NLRP11: variants seen among roughly 807,000 people sequenced by gnomAD.
NLRP11 encodes the protein NLR family pyrin domain containing 11, also known as NACHT, LRR and PYD domains-containing protein 11.
A neutral mutation model predicts 79.3 loss-of-function variants in NLRP11; 53 were observed. The observed-to-expected ratio is 0.67, with a 90% confidence interval of 0.54 to 0.84. The LOEUF (loss-of-function observed/expected upper bound fraction) is 0.84. Among genes scored for constraint, NLRP11 ranks in the 40% least tolerant of loss-of-function variants. The probability of loss-of-function intolerance (pLI) is 0.00; values close to 1 mark genes in which losing one functional copy is unlikely to be tolerated. For missense variants in NLRP11, 1,264 were observed against 1,255.0 expected (o/e 1.01, Z -0.11); for synonymous variants, 518 against 462.6 (o/e 1.12, Z -1.54).
rs752852279 is a variant in NLRP11 at position 55,809,043 on chromosome 19, A to G, written c.1567T>C (p.Trp523Arg). Residue 523 changes from tryptophan (W) to arginine (R), a missense_variant, in exon 3 of 10, where the codon TGG becomes CGG. Transcript: ENST00000589093. This position sits in a 1 kb window ranked among gnomAD's most constrained non-coding sequence, Gnocchi z 4.5. ...TGTTTCATGTATCCCACCGAGTACC[A>G]CTTGAAGCTGTCTACCATCGGTAGC... 18 of 1,614,086 alleles carry G rather than the reference A, an allele frequency of 1.1e-5. No individual in the cohort carries two copies. The highest frequency in any genetic ancestry group is 1.5e-5 in the Non-Finnish European group (18 of 1,180,024).
Position 55,818,506 on chromosome 19 carries a change from G to A in NLRP11, c.-62-270C>T, listed in dbSNP as rs1600198103. 7.2e-5 allele frequency among the ~76,000 whole-genome samples: 11 copies of A among 152,336 alleles called. No individual in the cohort carries two copies. The South Asian group carries it at 2.3e-3, about 32-fold the overall frequency. On this transcript the variant is annotated intron_variant, in intron 1 of 9. Coordinates refer to ENST00000589093, the Ensembl canonical transcript of NLRP11. ...CTGATTAGCAAATAGCATATAGGTTGAGAATTGAGTATCATACAGAAACTT... is the reference window on the plus strand; with the variant it reads ...CTGATTAGCAAATAGCATATAGGTTAAGAATTGAGTATCATACAGAAACTT...
intron 5 of NLRP11, among the ~76,000 whole-genome samples, chr19:55,798,752 TCACA>T (rs907468243): frequency 1.0e-5 from 1 of 95,846 alleles, no homozygotes; most frequent in Non-Finnish European, 2.3e-5. Context: ...ACACACACAC[TCACA>T]CACACACACA....
At chr19:55,830,745 C>CTGTTGATTGAACTATAAGG (rs1555805069) in intron 1 of NLRP11, among the ~76,000 whole-genome samples, 1 of 151,338 alleles carries the variant, frequency 6.6e-6, no homozygotes. Flanking sequence ...CTGGAATTTG[C>CTGTTGATTGAACTATAAGG]TGTTGACTGA....
Position 55,809,286 on chromosome 19 carries a change from G to T in NLRP11, c.1324C>A (p.His442Asn). ...TGTATGAACTTGTAACGGTCTTTAT[G>T]AGTGTTGCTCGGCAAAAGAATATTC... The change falls in exon 3 of 10, where the codon CAT becomes AAT. Residue 442 changes from histidine (H) to asparagine (N), a missense_variant. Transcript: ENST00000589093. The surrounding 1 kb of genome is among the most constrained non-coding windows in gnomAD (Gnocchi z 4.5). 1 of 1,614,004 alleles carries T rather than the reference G, an allele frequency of 6.2e-7. No individual in the cohort carries two copies. The highest frequency in any genetic ancestry group is 2.2e-5 in the East Asian group (1 of 44,874).
chr19:55,804,979 C>A (rs993678343), intron 4 of NLRP11, among the ~76,000 whole-genome samples: 6 of 148,890 alleles, frequency 4.0e-5, no homozygotes, highest in African/African-American at 1.5e-4. Flanking sequence ...AGAAGAATCG[C>A]TTGAACCCTG....
In NLRP11 at chr19:55,809,041, C is replaced by G. The variant is rs372102564; in HGVS notation, c.1569G>C (p.Trp523Cys). 1.2e-6 allele frequency: 2 copies of G among 1,614,044 alleles called. No individual in the cohort carries two copies. Among genetic ancestry groups the G allele is most frequent in the Non-Finnish European group, 1.7e-6 (2 of 1,180,006 alleles). Residue 523 changes from tryptophan (W) to cysteine (C), a missense_variant, in exon 3 of 10, where the codon TGG becomes TGC. By Grantham distance (215) the Trp-to-Cys change is radical. Coordinates refer to ENST00000589093, the Ensembl canonical transcript of NLRP11. The surrounding 1 kb of genome is among the most constrained non-coding windows in gnomAD (Gnocchi z 4.5). ...AATGTTTCATGTATCCCACCGAGTACCACTTGAAGCTGTCTACCATCGGTA... is the reference window on the plus strand; with the variant it reads ...AATGTTTCATGTATCCCACCGAGTAGCACTTGAAGCTGTCTACCATCGGTA...
intron 2 of NLRP11, among the ~76,000 whole-genome samples, chr19:55,816,570 G>A (rs952071192): frequency 1.3e-5 from 2 of 152,182 alleles, no homozygotes; most frequent in Admixed American, 6.5e-5. Flanking sequence ...CAATGATGAC[G>A]ACCTGCATAG....
At chr19:55,793,050 A>C (rs908160846) in intron 6 of NLRP11, among the ~76,000 whole-genome samples, 1 of 152,104 alleles carries the variant, frequency 6.6e-6, no homozygotes, top group African/African-American at 2.4e-5. Flanking sequence ...TTTTTAAATA[A>C]TTTTTAAAAA....
rs1411898301 is a variant in NLRP11 at position 55,809,057 on chromosome 19, A to G, written c.1553T>C (p.Val518Ala). Residue 518 changes from valine to alanine, a missense_variant, in exon 3 of 10, where the codon GTA (valine) becomes GCA (alanine). Coordinates refer to ENST00000589093, the Ensembl canonical transcript of NLRP11. The surrounding 1 kb of genome is among the most constrained non-coding windows in gnomAD (Gnocchi z 4.5). Reference sequence around the variant, plus strand: ...CACCGAGTACCACTTGAAGCTGTCTACCATCGGTAGCTGGTATCCAAAGGA... The same window carrying G: ...CACCGAGTACCACTTGAAGCTGTCTGCCATCGGTAGCTGGTATCCAAAGGA... 3 of 1,614,072 alleles carry G rather than the reference A, an allele frequency of 1.9e-6. No individual in the cohort carries two copies. Among genetic ancestry groups the G allele is most frequent in the South Asian group, 1.1e-5 (1 of 91,078 alleles).
At chr19:55,808,678 C>T in intron 3 of NLRP11, 91 bp downstream of exon 3, 1 of 1,178,014 alleles carries the variant, frequency 8.5e-7, no homozygotes, top group Non-Finnish European at 1.2e-6. Flanking sequence ...TCTTCATGGC[C>T]CCGAGTTTGT....
chr19:55,835,256 G>A (rs1161892169), upstream of NLRP11, among the ~76,000 whole-genome samples: 1 of 152,256 alleles, frequency 6.6e-6, no homozygotes, highest in Non-Finnish European at 1.5e-5. Flanking sequence ...GGACACTGAG[G>A]TTTGGCGTGA....
intron 9 of NLRP11, among the ~76,000 whole-genome samples, chr19:55,786,518 C>T (rs962789497): frequency 2.0e-5 from 3 of 148,630 alleles, no homozygotes; most frequent in African/African-American, 7.7e-5. Context: ...AAGACCCTAA[C>T]TAGAAAAAAA....
upstream of NLRP11, among the ~76,000 whole-genome samples, chr19:55,835,948 AG>A (rs1333125861): frequency 1.3e-5 from 2 of 152,252 alleles, no homozygotes; most frequent in African/African-American, 4.8e-5. Flanking sequence ...ACATGGCGAA[AG>A]CCCGTCTCTA....
chr19:55,823,135 A>AC (rs1171473599), intron 1 of NLRP11, among the ~76,000 whole-genome samples: 3 of 146,184 alleles, frequency 2.1e-5, no homozygotes, highest in Non-Finnish European at 3.0e-5. Flanking sequence ...ACTGGGAGGC[A>AC]CCCCCCAGCA....
In NLRP11 at chr19:55,815,176, A is replaced by C. The variant is rs143008263; in HGVS notation, c.271+2728T>G. 2.4e-3 allele frequency among the ~76,000 whole-genome samples: 368 copies of C among 152,350 alleles called. 2 individuals are homozygous for C. Among genetic ancestry groups the C allele is most frequent in the Admixed American group, 7.1e-3 (109 of 15,302 alleles). On this transcript the variant is annotated intron_variant, in intron 2 of 9. Transcript: ENST00000589093. ...TATGGGTGACAAATGTTTTAAAAAG[A>C]ACATTCATATGCACCCCTATTAAGC...
chr19:55,792,301 T>G (rs1978340622), exon 7 of NLRP11: 2 of 1,613,626 alleles, frequency 1.2e-6, no homozygotes, highest in Non-Finnish European at 1.7e-6. Flanking sequence ...GGAGACTTAC[T>G]GAAGCTCCTC....
intron 1 of NLRP11, among the ~76,000 whole-genome samples, chr19:55,822,067 G>A (rs923174828): frequency 3.3e-5 from 5 of 152,000 alleles, no homozygotes; most frequent in African/African-American, 4.8e-5. Flanking sequence ...GAGACTAGCC[G>A]GGCCATCATG....
At chr19:55,831,343 C>A (rs1027173844) in intron 1 of NLRP11, among the ~76,000 whole-genome samples, 11 of 151,734 alleles carry the variant, frequency 7.2e-5, no homozygotes, top group African/African-American at 2.4e-4. Flanking sequence ...GGGCACATTA[C>A]TTGAGGTCAG....
chr19:55,789,692 T>C (rs116499879), intron 7 of NLRP11, among the ~76,000 whole-genome samples: 437 of 152,346 alleles, frequency 2.9e-3, no homozygotes, highest in African/African-American at 0.01. Flanking sequence ...CCACATACAT[T>C]CAACCTACAC....
Sources: gnomAD v4.1 joint callset for allele counts (sites outside exome capture counted in the v4.1 genomes callset) on GRCh38, gnomAD v4.1.1 for gene constraint, Gnocchi (gnomAD v3.1) non-coding constraint, MANE v1.5 for transcripts, NCBI Gene and HGNC (gene_info 2026-07-23, HGNC 2026-07-21) for gene names.